Variants in MBNL1 observed in about 807,000 individuals in gnomAD.
MBNL1 encodes muscleblind-like protein 1.
MBNL1 carries 8 observed loss-of-function variants against 42.2 expected under a neutral mutation model. The ratio of observed to expected loss-of-function variants is 0.19; its 90% CI spans 0.11 to 0.34. MBNL1 has a LOEUF of 0.34. Ranked by LOEUF, MBNL1 falls within the 10% of genes least tolerant of loss-of-function variation. MBNL1 has a pLI of 1.00. For synonymous variants in MBNL1, 169 were observed against 173.9 expected (o/e 0.97, Z 0.22); for missense variants, 309 against 495.3 (o/e 0.62, Z 3.57).
chr3:152,379,920 A>C (rs180850967), intron 2 of MBNL1, among the ~76,000 whole-genome samples: 1 of 152,246 alleles, frequency 6.6e-6, no homozygotes, highest in African/African-American at 2.4e-5. Flanking sequence ...TAAGGCAATT[A>C]AATACTTACT....
At chr3:152,420,393 CT>C (rs1424647999) in intron 3 of MBNL1, among the ~76,000 whole-genome samples, 2 of 152,146 alleles carry the variant, frequency 1.3e-5, no homozygotes, top group Non-Finnish European at 2.9e-5. Context: ...GTGGATGCCC[CT>C]CTGGGATGAA....
chr3:152,365,464 A>G (rs1043489004), intron 2 of MBNL1, among the ~76,000 whole-genome samples: 2 of 152,128 alleles, frequency 1.3e-5, no homozygotes, highest in African/African-American at 4.8e-5. Flanking sequence ...TTCCCTTTTC[A>G]AATTTTGATA....
intron 3 of MBNL1, among the ~76,000 whole-genome samples, chr3:152,424,624 A>G (rs1055909695): frequency 6.6e-6 from 1 of 152,174 alleles, no homozygotes; most frequent in Non-Finnish European, 1.5e-5. Context: ...TATAGCCAAG[A>G]CAATCCTAAG....
chr3:152,326,389 C>G, intron 2 of MBNL1, among the ~76,000 whole-genome samples: 1 of 152,072 alleles, frequency 6.6e-6, no homozygotes, highest in South Asian at 2.1e-4. Context: ...TTTAGTAATC[C>G]CTGCTTTTAA....
At chr3:152,316,816 A>G (rs2071924615) in intron 2 of MBNL1, among the ~76,000 whole-genome samples, 1 of 152,200 alleles carries the variant, frequency 6.6e-6, no homozygotes, top group Admixed American at 6.5e-5. Context: ...ACTTTCAGAT[A>G]GAGCTGGCTT....
At position 152,439,272 on chromosome 3, in the gene MBNL1, C is replaced by T. The variant is rs529849803; in HGVS notation, c.550-6010C>T. On this transcript the variant is annotated intron_variant, in intron 4 of 9. Coordinates refer to ENST00000324210, the MANE Select transcript of MBNL1 (RefSeq NM_021038.5). The stretch of plus-strand genomic sequence containing the variant: ...TACCCATTGACTACAAAAAATAGAA[C>T]GTTTAAAGCTAAATGAGGATTAGAA... Among the ~76,000 whole-genome samples, 15 of 152,094 alleles carry T rather than the reference C, an allele frequency of 9.9e-5. No individual in the cohort carries two copies. The South Asian group carries it at 2.1e-3, about 21-fold the overall frequency.
At chr3:152,423,281 C>T (rs936567109) in intron 3 of MBNL1, among the ~76,000 whole-genome samples, 2 of 152,132 alleles carry the variant, frequency 1.3e-5, no homozygotes, top group East Asian at 1.9e-4. Flanking sequence ...TACAAACTAC[C>T]AGCAGAGAAT....
rs1250810080 is a variant in MBNL1 at position 152,463,277 on chromosome 3, A to G, written c.*911A>G. The G allele has an allele frequency of 1.3e-5, 2 of 151,696 alleles. No homozygotes were observed. The highest frequency in any genetic ancestry group is 2.9e-5 in the Non-Finnish European group (2 of 67,808). 9.4% of individuals were successfully genotyped at this position (151,696 alleles called of 1,614,324 possible). A position where few individuals can be genotyped will look rare whatever the true frequency, so the allele number is the denominator to read the frequency against. On this transcript the variant is annotated 3_prime_UTR_variant, in exon 10 of 10. Transcript: ENST00000324210. ...GGAGATATATATATAATAGATATAT[A>G]TAAAATTATTTTAATGCATTGTAGT...
At chr3:152,439,907 G>A (rs1171919307) in intron 4 of MBNL1, among the ~76,000 whole-genome samples, 1 of 152,158 alleles carries the variant, frequency 6.6e-6, no homozygotes, top group Non-Finnish European at 1.5e-5. Context: ...CTAATTTGGT[G>A]TATTGACAAG....
At chr3:152,389,866 A>T (rs1313669431) in intron 2 of MBNL1, among the ~76,000 whole-genome samples, 1 of 151,924 alleles carries the variant, frequency 6.6e-6, no homozygotes, top group Non-Finnish European at 1.5e-5. Flanking sequence ...ACCTTAATGT[A>T]ATTTATTTAT....
At chr3:152,342,557 C>CACACACACAA (rs1392230068) in intron 2 of MBNL1, among the ~76,000 whole-genome samples, 10 of 112,392 alleles carry the variant, frequency 8.9e-5, no homozygotes, top group African/African-American at 2.9e-4. Flanking sequence ...AAACAAAACA[C>CACACACACAA]ACACACACAC....
At chr3:152,428,951 CAA>C (rs530418040) in intron 3 of MBNL1, among the ~76,000 whole-genome samples, 1 of 152,170 alleles carries the variant, frequency 6.6e-6, no homozygotes, top group Non-Finnish European at 1.5e-5. Flanking sequence ...CAGAAGGCTG[CAA>C]TTCACTCATT....
intron 4 of MBNL1, among the ~76,000 whole-genome samples, chr3:152,433,645 G>C (rs2099037345): frequency 6.6e-6 from 1 of 151,508 alleles, no homozygotes. Flanking sequence ...AGCTACTCGG[G>C]AGGCTGAGGC....
rs750161312 is a variant in MBNL1, at chr3:152,395,579, C to T, written c.175-19362C>T. 5.3e-5 allele frequency among the ~76,000 whole-genome samples: 8 copies of T among 152,148 alleles called. No individual in the cohort carries two copies. The East Asian group carries it at 7.7e-4, about 15-fold the overall frequency. ...ATTACTCTTGACTTCTCTTAATGAGCGCAGTCTTTCTGTATTCTTAGGTCA... is the reference window on the plus strand; with the variant it reads ...ATTACTCTTGACTTCTCTTAATGAGTGCAGTCTTTCTGTATTCTTAGGTCA... On this transcript the variant is annotated intron_variant, in intron 2 of 9. Transcript: ENST00000324210.
intron 2 of MBNL1, among the ~76,000 whole-genome samples, chr3:152,248,263 C>A (rs1198227944): frequency 6.6e-6 from 1 of 151,956 alleles, no homozygotes; most frequent in Non-Finnish European, 1.5e-5. Context: ...AATTAGGCGG[C>A]CTTCTGAATA....
At chr3:152,362,465 C>T (rs1352309988) in intron 2 of MBNL1, among the ~76,000 whole-genome samples, 5 of 152,128 alleles carry the variant, frequency 3.3e-5, no homozygotes, top group South Asian at 2.1e-4. Flanking sequence ...AGTTCATACT[C>T]GAAGATTAAT....
At chr3:152,310,370 C>A (rs144044642) in intron 2 of MBNL1, among the ~76,000 whole-genome samples, 257 of 152,314 alleles carry the variant, frequency 1.7e-3, no homozygotes, top group African/African-American at 5.6e-3. Flanking sequence ...GTTACACAGT[C>A]AGGAGATGCT....
intron 1 of MBNL1, chr3:152,269,471 T>A (rs762651609): frequency 2.2e-6 from 1 of 453,324 alleles, no homozygotes; most frequent in South Asian, 1.6e-5. Context: ...TCCCTCTGAG[T>A]CGAGCGGCGC....
intron 1 of MBNL1, among the ~76,000 whole-genome samples, chr3:152,289,800 G>C (rs559011781): frequency 6.6e-6 from 1 of 152,058 alleles, no homozygotes; most frequent in Non-Finnish European, 1.5e-5. Context: ...TTGAGTATTT[G>C]TAAGTTTGGA....
Sources: gnomAD v4.1 joint callset for allele counts (sites outside exome capture counted in the v4.1 genomes callset) on GRCh38, gnomAD v4.1.1 for gene constraint, MANE v1.5 for transcripts, NCBI Gene and HGNC (gene_info 2026-07-23, HGNC 2026-07-21) for gene names.